The following TAB2 variants were observed in gnomAD, a reference collection of about 807,000 sequenced individuals.
TAB2 encodes TGF-beta activated kinase 1 (MAP3K7) binding protein 2, also known as TGF-beta-activated kinase 1 and MAP3K7-binding protein 2.
TAB2 carries 3 observed loss-of-function variants against 65.0 expected under a neutral mutation model. The observed-to-expected ratio is 0.05, with a 90% CI of 0.02 to 0.12. The LOEUF is 0.12. TAB2 is among the 10% of genes least tolerant of loss of function. The pLI is 1.00. For missense variants in TAB2, 623 were observed against 840.3 expected, an observed-to-expected ratio of 0.74 and a Z score of 3.20; for synonymous variants, 298 against 285.1, an observed-to-expected ratio of 1.05 and a Z score of -0.46.
chr6:149,291,524 A>T (rs1707696969), intron 1 of TAB2: 1 of 152,422 alleles, frequency 6.6e-6, no homozygotes, highest in Non-Finnish European at 1.5e-5. Flanking sequence ...AGGTTGCCTA[A>T]GGAGGGGTGA....
At chr6:149,338,968 C>T (rs1162019425) in intron 1 of TAB2, among the ~76,000 whole-genome samples, 1 of 152,214 alleles carries the variant, frequency 6.6e-6, no homozygotes, top group Non-Finnish European at 1.5e-5. Context: ...GTGCCAGGCA[C>T]TGTTCTAAGT....
chr6:149,392,180 G>A (rs187397537), intron 3 of TAB2, among the ~76,000 whole-genome samples: 12 of 151,136 alleles, frequency 7.9e-5, no homozygotes, highest in South Asian at 6.3e-4. Flanking sequence ...TCACTTTGTC[G>A]CCCAGACTGG....
chr6:149,223,826 AAGC>A (rs772198589), intron 1 of TAB2, among the ~76,000 whole-genome samples: 1 of 152,218 alleles, frequency 6.6e-6, no homozygotes, highest in Non-Finnish European at 1.5e-5. Context: ...CATATTTTAA[AAGC>A]ATCAGCAGCT....
At chr6:149,299,404 T>A (rs974620138) in intron 1 of TAB2, among the ~76,000 whole-genome samples, 1 of 152,112 alleles carries the variant, frequency 6.6e-6, no homozygotes, top group African/African-American at 2.4e-5. Context: ...AAACTCAGTC[T>A]CTACTAAAAA....
At chr6:149,409,513 T>G in intron 6 of TAB2, 64 bp from the exon 7 acceptor site, 1 of 1,481,562 alleles carries the variant, frequency 6.7e-7, no homozygotes, top group Non-Finnish European at 9.4e-7. Flanking sequence ...GTGTTTAAAG[T>G]TGCCTGTAAT....
intron 1 of TAB2, among the ~76,000 whole-genome samples, chr6:149,305,086 A>G (rs1300330047): frequency 6.6e-6 from 1 of 151,934 alleles, no homozygotes; most frequent in African/African-American, 2.4e-5. Context: ...TGTTATTGTT[A>G]TTATATATTT....
intron 1 of TAB2, among the ~76,000 whole-genome samples, chr6:149,288,699 C>T (rs965309574): frequency 1.3e-5 from 2 of 152,144 alleles, no homozygotes; most frequent in African/African-American, 4.8e-5. Flanking sequence ...GCAGGACTTA[C>T]AGGATGTCTT....
chr6:149,275,236 GAAAGAA>G (rs1176490306), intron 1 of TAB2, among the ~76,000 whole-genome samples: 5 of 51,360 alleles, frequency 9.7e-5, no homozygotes, highest in African/African-American at 1.9e-4. Flanking sequence ...GAGAGAGAGA[GAAAGAA>G]AGAAAGAAAG....
intron 3 of TAB2, among the ~76,000 whole-genome samples, chr6:149,392,782 CAGA>C (rs1782034338): frequency 6.6e-6 from 1 of 152,146 alleles, no homozygotes; most frequent in Non-Finnish European, 1.5e-5. Context: ...TTTCAGGAGA[CAGA>C]AGATTTTTTC....
chr6:149,274,252 C>T (rs1300635751), intron 1 of TAB2, among the ~76,000 whole-genome samples: 1 of 152,200 alleles, frequency 6.6e-6, no homozygotes, highest in Non-Finnish European at 1.5e-5. Flanking sequence ...AGCAACTGAC[C>T]CGGTTAAGGG....
At chr6:149,227,030 A>G (rs1359154813) in intron 1 of TAB2, among the ~76,000 whole-genome samples, 6 of 152,252 alleles carry the variant, frequency 3.9e-5, no homozygotes, top group South Asian at 2.1e-4. Context: ...CAGATCCAAC[A>G]GAAATTATTT....
intron 1 of TAB2, among the ~76,000 whole-genome samples, chr6:149,307,463 C>A (rs1779091018): frequency 6.6e-6 from 1 of 152,144 alleles, no homozygotes; most frequent in Non-Finnish European, 1.5e-5. Context: ...TGCCAAGGAG[C>A]CGATTTCACA....
chr6:149,376,667 A>G (rs1009661912), intron 2 of TAB2, among the ~76,000 whole-genome samples: 3 of 152,170 alleles, frequency 2.0e-5, no homozygotes, highest in African/African-American at 4.8e-5. Context: ...ATTGAACTTC[A>G]TTACCACTTA....
At chr6:149,329,347 T>C (rs1779715399) in intron 1 of TAB2, among the ~76,000 whole-genome samples, 1 of 151,966 alleles carries the variant, frequency 6.6e-6, no homozygotes, top group Non-Finnish European at 1.5e-5. Flanking sequence ...AAGGAAATAA[T>C]TGAATGTGAC....
intron 3 of TAB2, among the ~76,000 whole-genome samples, chr6:149,396,844 T>C (rs1178543349): frequency 6.6e-6 from 1 of 152,262 alleles, no homozygotes; most frequent in African/African-American, 2.4e-5. Flanking sequence ...CTGCCTGTTT[T>C]ATTTGTTGCA....
At chr6:149,309,466 C>T (rs547362778) in intron 1 of TAB2, among the ~76,000 whole-genome samples, 54 of 151,548 alleles carry the variant, frequency 3.6e-4, no homozygotes, top group Non-Finnish European at 7.4e-5. Context: ...GCACAATCTC[C>T]GCTCACCGCA....
Position 149,293,327 on chromosome 6 carries a change from A to G in TAB2, c.-121+74551A>G, listed in dbSNP as rs1215486076. ...TAAATCTACCATCTGATTCAGGATG[A>G]TTAGTAATCTACCTCTTTTTATCCT... On this transcript the variant is annotated intron_variant, in intron 1 of 1. Coordinates refer to the TAB2 transcript ENST00000606202. Among the ~76,000 whole-genome samples, 3 of 152,210 alleles carry G rather than the reference A, an allele frequency of 2.0e-5. No homozygotes were observed. The East Asian group carries it at 5.8e-4, about 29-fold the overall frequency.
chr6:149,388,768 T>C (rs1781883296), intron 3 of TAB2, among the ~76,000 whole-genome samples: 1 of 152,192 alleles, frequency 6.6e-6, no homozygotes, highest in Non-Finnish European at 1.5e-5. Context: ...CCTATTTCTG[T>C]AAAATGCCTA....
chr6:149,336,153 G>A (rs551644830), intron 1 of TAB2, among the ~76,000 whole-genome samples: 5 of 152,288 alleles, frequency 3.3e-5, no homozygotes, highest in South Asian at 2.1e-4. Flanking sequence ...TGCCTGGCAC[G>A]TAGTAGTGCT....
Sources: gnomAD v4.1 joint callset for allele counts (sites outside exome capture counted in the v4.1 genomes callset) on GRCh38, gnomAD v4.1.1 for gene constraint, MANE v1.5 for transcripts, NCBI Gene and HGNC (gene_info 2026-07-23, HGNC 2026-07-21) for gene names.